Variants in SART3 observed in about 807,000 individuals in gnomAD.
SART3 encodes the protein HIV-1 Tat-interacting protein of 110kDa.
Under a neutral mutation model 122.3 loss-of-function variants are expected in SART3, and 44 were observed. The ratio of observed to expected loss-of-function variants is 0.36; its 90% confidence interval spans 0.28 to 0.46. SART3 has a LOEUF of 0.46. Among genes scored for constraint, SART3 ranks in the 20% least tolerant of loss-of-function variants. The pLI is 1.00. For synonymous variants in SART3, 442 were observed against 454.0 expected (o/e 0.97, Z 0.34); for missense variants, 1,101 against 1,229.0 (o/e 0.90, Z 1.56).
At chr12:108,525,856 A>G (rs1421122058) in intron 16 of SART3, 1 of 619,600 alleles carries the variant, frequency 1.6e-6, no homozygotes, top group Non-Finnish European at 2.8e-6. Context: ...GGAGTCAATG[A>G]GCTGACACAC....
At chr12:108,535,209 T>G in intron 12 of SART3, 150 bp downstream of exon 12, 1 of 710,908 alleles carries the variant, frequency 1.4e-6, no homozygotes. Context: ...GCCCTGCCCA[T>G]TAAAAATGTA....
intron 1 of SART3, among the ~76,000 whole-genome samples, chr12:108,552,733 A>G (rs2030062096): frequency 6.6e-6 from 1 of 152,170 alleles, no homozygotes; most frequent in African/African-American, 2.4e-5. Context: ...CATGGATTGA[A>G]AAACTCAACA....
chr12:108,531,357 T>C, intron 13 of SART3, 77 bp from the exon 14 acceptor site: 2 of 1,093,102 alleles, frequency 1.8e-6, no homozygotes, highest in South Asian at 1.3e-5. Context: ...TCTTAATTTC[T>C]CTGTACCTCC....
At chr12:108,537,432 A>T in intron 9 of SART3, 56 bp downstream of exon 9, 1 of 1,400,800 alleles carries the variant, frequency 7.1e-7, no homozygotes, top group Non-Finnish European at 1.0e-6. Flanking sequence ...ACATCTCGCC[A>T]AAAGTTGTAT....
chr12:108,552,433 T>C (rs1856574227), intron 1 of SART3, among the ~76,000 whole-genome samples: 1 of 148,940 alleles, frequency 6.7e-6, no homozygotes. Context: ...TCCTGATTTG[T>C]AGATGATATG....
intron 6 of SART3, chr12:108,542,782 G>A: frequency 3.4e-6 from 2 of 594,016 alleles, no homozygotes; most frequent in Non-Finnish European, 6.3e-6. Context: ...CTCGGGAGAG[G>A]GAGGAGGAGG....
chr12:108,523,711 G>A, intron 18 of SART3, 77 bp from the exon 19 acceptor site: 1 of 1,304,372 alleles, frequency 7.7e-7, no homozygotes. Context: ...AATAAGCCAA[G>A]ACAGTTTTAA....
At chr12:108,524,877 C>G (rs531130764) in intron 17 of SART3, 4 of 353,938 alleles carry the variant, frequency 1.1e-5, no homozygotes, top group Non-Finnish European at 2.1e-5. Flanking sequence ...GGTGAGCCCT[C>G]GTGTTTCTGT....
At chr12:108,552,809 A>G (rs1286034170) in intron 1 of SART3, among the ~76,000 whole-genome samples, 1 of 152,146 alleles carries the variant, frequency 6.6e-6, no homozygotes, top group Non-Finnish European at 1.5e-5. Context: ...TAAAATCCCA[A>G]CAAGGTTTTT....
chr12:108,532,139 C>A, intron 13 of SART3, 83 bp downstream of exon 13: 1 of 1,184,144 alleles, frequency 8.4e-7, no homozygotes, highest in Non-Finnish European at 1.3e-6. Context: ...CAGTCTGTCC[C>A]CAGACTGTAA....
intron 6 of SART3, among the ~76,000 whole-genome samples, chr12:108,539,374 G>A (rs569508257): frequency 1.3e-5 from 2 of 152,224 alleles, no homozygotes; most frequent in Admixed American, 1.3e-4. Flanking sequence ...ATCAGGAACT[G>A]AGTGAAAGAG....
intron 5 of SART3, 53 bp from the exon 6 acceptor site, chr12:108,543,205 C>A: frequency 2.5e-6 from 4 of 1,604,792 alleles, no homozygotes; most frequent in Non-Finnish European, 3.4e-6. Context: ...CTTTATCAAC[C>A]CAAACACAGA....
intron 1 of SART3, among the ~76,000 whole-genome samples, chr12:108,559,473 CTGACCAACA>C (rs1244044555): frequency 6.6e-6 from 1 of 152,084 alleles, no homozygotes; most frequent in Non-Finnish European, 1.5e-5. Context: ...CAAGAGCAGC[CTGACCAACA>C]TGGTGAAACC....
chr12:108,526,462 T>C lies in SART3; in HGVS notation c.2007A>G (p.Lys669=), dbSNP rs564265776. 125 of 1,614,216 alleles carry C rather than the reference T, an allele frequency of 7.7e-5. 1 individual carries two copies. In the South Asian group the frequency reaches 1.3e-3, roughly 16 times the overall value. ...GGGGCTCCACATCTACGGCAGCACA[T>C]TTCCCAGCGGGCCCTGCTGCTACTT... ...NVEVAAGPAG[K]CAAVDVEPPS... The change falls in exon 16 of 19, where the codon AAA becomes AAG. Residue 669 remains lysine, a synonymous_variant. Coordinates refer to ENST00000546815, the MANE Select transcript of SART3 (RefSeq NM_014706.4).
intron 13 of SART3, 33 bp downstream of exon 13, chr12:108,532,189 G>C: frequency 6.3e-7 from 1 of 1,586,026 alleles, no homozygotes; most frequent in Non-Finnish European, 8.7e-7. Flanking sequence ...AAATGGGTTA[G>C]GCTCCAAGCC....
In SART3 at chr12:108,560,993, C is replaced by T; in HGVS notation, c.162G>A (p.Ala54=). The T allele has an allele frequency of 1.2e-6, 2 of 1,614,206 alleles. No individual in the cohort carries two copies. The highest frequency in any genetic ancestry group is 1.6e-4 in the Middle Eastern group (1 of 6,062). Reference sequence around the variant, plus strand: ...TCACGCCTTCCTCCTGCTGATCCCACGCTGGCCCCATGGTCTTGTATGTCG... The same window carrying T: ...TCACGCCTTCCTCCTGCTGATCCCATGCTGGCCCCATGGTCTTGTATGTCG... ...AAATYKTMGP[A]WDQQEEGVSE... Residue 54 remains alanine, a synonymous_variant, in exon 1 of 19, where the codon GCG becomes GCA. Coordinates refer to ENST00000546815, the MANE Select transcript of SART3 (RefSeq NM_014706.4).
chr12:108,559,865 G>A (rs1351437836), intron 1 of SART3, among the ~76,000 whole-genome samples: 1 of 152,066 alleles, frequency 6.6e-6, no homozygotes, highest in Non-Finnish European at 1.5e-5. Context: ...AGAAAGAGAG[G>A]TCAGGGTATT....
intron 15 of SART3, among the ~76,000 whole-genome samples, chr12:108,528,549 T>C (rs1458969305): frequency 3.6e-5 from 5 of 139,716 alleles, no homozygotes; most frequent in Non-Finnish European, 6.2e-5. Flanking sequence ...GCTGCAGCAG[T>C]GGTGCGGGAT....
intron 18 of SART3, 126 bp from the exon 19 acceptor site, chr12:108,523,760 A>T: frequency 1.1e-6 from 1 of 879,486 alleles, no homozygotes; most frequent in Admixed American, 2.2e-5. Flanking sequence ...AAAAAGGATA[A>T]GATAATCCCT....
Sources: gnomAD v4.1 joint callset for allele counts (sites outside exome capture counted in the v4.1 genomes callset) on GRCh38, gnomAD v4.1.1 for gene constraint, MANE v1.5 for transcripts, NCBI Gene and HGNC (gene_info 2026-07-23, HGNC 2026-07-21) for gene names.